KAZN: variants seen among roughly 807,000 people sequenced by gnomAD.
KAZN encodes the protein kazrin.
A neutral mutation model predicts 87.4 loss-of-function variants in KAZN; 40 were observed. The observed-to-expected ratio is 0.46, with a 90% CI of 0.36 to 0.60. KAZN has a LOEUF of 0.60. Among genes scored for constraint, KAZN ranks in the 20% least tolerant of loss-of-function variants. KAZN has a pLI of 0.00. For missense variants in KAZN, 898 were observed against 1,073.9 expected (o/e 0.84, Z 2.29); for synonymous variants, 466 against 458.3 (o/e 1.02, Z -0.22).
At chr1:14,600,666 CAAAAAAAAAAAA>C (rs59840012) in intron 1 of KAZN, among the ~76,000 whole-genome samples, 2 of 118,510 alleles carry the variant, frequency 1.7e-5, no homozygotes, top group Non-Finnish European at 1.8e-5. Context: ...GGAACCTGTG[CAAAAAAAAAAAA>C]AAAAAAAAAA....
At chr1:14,204,781 G>T (rs752117253) in intron 2 of KAZN, among the ~76,000 whole-genome samples, 1 of 152,202 alleles carries the variant, frequency 6.6e-6, no homozygotes, top group East Asian at 1.9e-4. Context: ...GCATATTTCA[G>T]CTGGCATAAT....
At chr1:14,363,739 A>G (rs1659715268) in intron 2 of KAZN, among the ~76,000 whole-genome samples, 1 of 152,206 alleles carries the variant, frequency 6.6e-6, no homozygotes, top group Non-Finnish European at 1.5e-5. Flanking sequence ...AACAAGAGAC[A>G]GTGACCATAT....
At chr1:14,578,015 C>A (rs1675298250) in intron 2 of KAZN, among the ~76,000 whole-genome samples, 1 of 152,062 alleles carries the variant, frequency 6.6e-6, no homozygotes, top group Admixed American at 6.6e-5. Flanking sequence ...TTTAACCTTC[C>A]CAAACTGCAG....
chr1:14,277,883 A>T (rs1360179200), intron 2 of KAZN, among the ~76,000 whole-genome samples: 1 of 152,036 alleles, frequency 6.6e-6, no homozygotes, highest in African/African-American at 2.4e-5. Flanking sequence ...GGGTAGAGAG[A>T]TGATGGGGTA....
At chr1:14,683,453 C>A (rs1482067334) in intron 1 of KAZN, among the ~76,000 whole-genome samples, 1 of 152,170 alleles carries the variant, frequency 6.6e-6, no homozygotes, top group Non-Finnish European at 1.5e-5. Context: ...TGCTATTAGG[C>A]ATTCTTGGAC....
chr1:14,154,996 T>TCCTTCCTTCCTTCCTTCCTTCCTTCC (rs1553136611), intron 1 of KAZN, among the ~76,000 whole-genome samples: 12 of 149,980 alleles, frequency 8.0e-5, no homozygotes, highest in African/African-American at 2.4e-4. Context: ...CTTCCTTCCT[T>TCCTTCCTTCCTTCCTTCCTTCCTTCC]TTTCTGATGT....
At chr1:14,678,664 G>T (rs957204424) in intron 1 of KAZN, among the ~76,000 whole-genome samples, 1 of 152,190 alleles carries the variant, frequency 6.6e-6, no homozygotes, top group African/African-American at 2.4e-5. Context: ...TGCAGGGCGA[G>T]CCCCTTCCCC....
chr1:14,863,334 C>A (rs1340673055), intron 1 of KAZN, among the ~76,000 whole-genome samples: 2 of 152,178 alleles, frequency 1.3e-5, no homozygotes, highest in Admixed American at 1.3e-4. Flanking sequence ...CAGACCCCAT[C>A]GGGGCAGCAG....
At chr1:14,076,329 G>A (rs1242148557) in intron 1 of KAZN, among the ~76,000 whole-genome samples, 5 of 152,090 alleles carry the variant, frequency 3.3e-5, no homozygotes, top group African/African-American at 4.8e-5. Context: ...ACACTGTGAA[G>A]AGAGATGAAG....
At chr1:14,225,427 A>C in intron 2 of KAZN, among the ~76,000 whole-genome samples, 1 of 152,218 alleles carries the variant, frequency 6.6e-6, no homozygotes, top group Middle Eastern at 3.2e-3. Context: ...GATAGAAAGA[A>C]TCAATATCAT....
At chr1:14,608,144 G>A (rs900966316) in intron 1 of KAZN, among the ~76,000 whole-genome samples, 1 of 152,220 alleles carries the variant, frequency 6.6e-6, no homozygotes, top group African/African-American at 2.4e-5. Flanking sequence ...AGAATATCCA[G>A]ATGTCACTAT....
At chr1:14,171,073 A>G (rs1027804680) in intron 1 of KAZN, among the ~76,000 whole-genome samples, 6 of 152,210 alleles carry the variant, frequency 3.9e-5, no homozygotes, top group Non-Finnish European at 8.8e-5. Context: ...GTTTTCATTT[A>G]GCATAATGTT....
chr1:14,732,772 C>T (rs879531746), intron 1 of KAZN, among the ~76,000 whole-genome samples: 4 of 151,820 alleles, frequency 2.6e-5, no homozygotes, highest in Admixed American at 1.3e-4. Context: ...ATTTAGTAAA[C>T]GAAGTGGTTA....
chr1:14,105,466 G>C (rs985360964), intron 1 of KAZN, among the ~76,000 whole-genome samples: 1 of 152,188 alleles, frequency 6.6e-6, no homozygotes, highest in Non-Finnish European at 1.5e-5. Context: ...TCCTGACCCA[G>C]ACATTACTGA....
chr1:14,483,983 A>T (rs548083710), intron 2 of KAZN, among the ~76,000 whole-genome samples: 4 of 152,280 alleles, frequency 2.6e-5, no homozygotes, highest in African/African-American at 9.6e-5. Flanking sequence ...CCGCATGTGG[A>T]TATCCAGTTT....
At chr1:14,913,767 C>T (rs190586148) in intron 1 of KAZN, among the ~76,000 whole-genome samples, 3 of 152,196 alleles carry the variant, frequency 2.0e-5, no homozygotes, top group South Asian at 4.1e-4. Context: ...AGCTAGGAGT[C>T]GCTCGGGCTG....
intron 2 of KAZN, among the ~76,000 whole-genome samples, chr1:14,467,865 T>G (rs1423912106): frequency 2.0e-5 from 3 of 152,104 alleles, no homozygotes; most frequent in African/African-American, 4.8e-5. Flanking sequence ...AACGTAAGCT[T>G]CTTTTTCTCT....
chr1:14,900,135 T>C (rs75138529), intron 1 of KAZN, among the ~76,000 whole-genome samples: 1,725 of 152,266 alleles, frequency 0.011, 36 homozygotes, highest in African/African-American at 0.04. Flanking sequence ...CCGATGGCTA[T>C]GACATGGGGT....
intron 2 of KAZN, among the ~76,000 whole-genome samples, chr1:14,444,886 G>C (rs1359446086): frequency 6.6e-6 from 1 of 152,078 alleles, no homozygotes; most frequent in Non-Finnish European, 1.5e-5. Context: ...CATGTTATGG[G>C]TTGAATTTGT....
Sources: gnomAD v4.1 joint callset for allele counts (sites outside exome capture counted in the v4.1 genomes callset) on GRCh38, gnomAD v4.1.1 for gene constraint, MANE v1.5 for transcripts, NCBI Gene and HGNC (gene_info 2026-07-23, HGNC 2026-07-21) for gene names.